The following SLIT3 variants were observed in gnomAD, a reference collection of about 807,000 sequenced individuals.
The protein encoded by SLIT3 is slit guidance ligand 3.
A neutral mutation model predicts 184.0 loss-of-function variants in SLIT3; 68 were observed. That is an observed-to-expected ratio of 0.37 (90% CI 0.30 to 0.45). SLIT3 has a LOEUF of 0.45. SLIT3 is among the 20% of genes least tolerant of loss of function. The probability of loss-of-function intolerance (pLI) is 1.00; values close to 1 mark genes in which losing one functional copy is unlikely to be tolerated. For missense variants in SLIT3, 1,707 were observed against 2,026.0 expected, an observed-to-expected ratio of 0.84 and a Z score of 3.02; for synonymous variants, 831 against 828.6, an observed-to-expected ratio of 1.00 and a Z score of -0.05.
intron 4 of SLIT3, among the ~76,000 whole-genome samples, chr5:168,999,653 A>G (rs899406202): frequency 5.9e-5 from 9 of 152,164 alleles, no homozygotes; most frequent in African/African-American, 2.2e-4. Context: ...GTGTCCCTAT[A>G]GGGTGAGAGG....
chr5:169,153,469 T>A (rs552222546), intron 4 of SLIT3, among the ~76,000 whole-genome samples: 2 of 152,352 alleles, frequency 1.3e-5, no homozygotes, highest in South Asian at 4.1e-4. Context: ...GGACTGTATT[T>A]TATTTGAGCA....
intron 4 of SLIT3, among the ~76,000 whole-genome samples, chr5:169,112,709 G>A (rs1012525374): frequency 2.0e-5 from 3 of 152,112 alleles, no homozygotes; most frequent in Non-Finnish European, 2.9e-5. Context: ...CTTGGCTGCT[G>A]ACTTCCAGAG....
chr5:168,705,387 T>C (rs1321526868), intron 26 of SLIT3, among the ~76,000 whole-genome samples: 2 of 152,200 alleles, frequency 1.3e-5, no homozygotes, highest in Non-Finnish European at 2.9e-5. Flanking sequence ...TGTCAGTACA[T>C]AGTAGATACT....
Position 169,300,107 on chromosome 5 carries a change from G to A in SLIT3, c.197+406C>T, listed in dbSNP as rs1241449067. On this transcript the variant is annotated intron_variant, in intron 1 of 35. Coordinates refer to ENST00000519560, the MANE Select transcript of SLIT3 (RefSeq NM_003062.4). This position sits in a 1 kb window ranked among gnomAD's most constrained non-coding sequence, Gnocchi z 4.1. ...CTCGGGCCCTCTCTCCCGCCTCCGC[G>A]CCTTGACGGCCCATCATCCTATAGC... 2.0e-5 allele frequency among the ~76,000 whole-genome samples: 3 copies of A among 152,198 alleles called. No homozygotes were observed. The highest frequency in any genetic ancestry group is 6.5e-5 in the Admixed American group (1 of 15,290).
intron 5 of SLIT3, among the ~76,000 whole-genome samples, chr5:168,871,522 C>A (rs952814032): frequency 1.3e-5 from 2 of 151,976 alleles, no homozygotes; most frequent in Admixed American, 6.5e-5. Context: ...TATACCTAGC[C>A]CATTAGAAGC....
intron 4 of SLIT3, among the ~76,000 whole-genome samples, chr5:169,108,378 C>T (rs552400923): frequency 6.6e-6 from 1 of 152,310 alleles, no homozygotes; most frequent in Non-Finnish European, 1.5e-5. Flanking sequence ...ACTCCAAAGA[C>T]CACCAGCACA....
intron 1 of SLIT3, among the ~76,000 whole-genome samples, chr5:169,287,467 C>A (rs1219562879): frequency 6.6e-6 from 1 of 152,168 alleles, no homozygotes; most frequent in African/African-American, 2.4e-5. Flanking sequence ...GATCTTTGCA[C>A]AGGATGAGGC....
At chr5:169,289,805 G>A (rs556746191) in intron 1 of SLIT3, among the ~76,000 whole-genome samples, 3 of 152,284 alleles carry the variant, frequency 2.0e-5, no homozygotes, top group Non-Finnish European at 4.4e-5. Flanking sequence ...ACAATTCTAT[G>A]GTCAAGTCAT....
rs899053561 is a variant in SLIT3, at chr5:168,861,984, G to A, written c.486-17329C>T. ...AGCCGTGAGAGCATCATTTAATGGGGCCGTAGGAGATGTAACTACAAGACA... is the reference window on the plus strand; with the variant it reads ...AGCCGTGAGAGCATCATTTAATGGGACCGTAGGAGATGTAACTACAAGACA... On this transcript the variant is annotated intron_variant, in intron 5 of 35. Coordinates refer to ENST00000519560, the MANE Select transcript of SLIT3 (RefSeq NM_003062.4). Among the ~76,000 whole-genome samples, 14 of 152,282 alleles carry A rather than the reference G, an allele frequency of 9.2e-5. No individual in the cohort carries two copies. In the South Asian group the frequency reaches 2.3e-3, roughly 25 times the overall value.
chr5:168,839,312 TC>T (rs1758161067), intron 6 of SLIT3, among the ~76,000 whole-genome samples: 1 of 152,102 alleles, frequency 6.6e-6, no homozygotes, highest in Admixed American at 6.5e-5. Flanking sequence ...ACACAGCGTG[TC>T]TTTTCTTCTT....
At chr5:168,855,074 C>T (rs1043677050) in intron 5 of SLIT3, among the ~76,000 whole-genome samples, 7 of 152,160 alleles carry the variant, frequency 4.6e-5, no homozygotes, top group African/African-American at 1.2e-4. Flanking sequence ...AACAGGAGAG[C>T]GGGTACAGTC....
intron 23 of SLIT3, among the ~76,000 whole-genome samples, chr5:168,715,986 T>G (rs1308312875): frequency 1.3e-5 from 2 of 151,898 alleles, no homozygotes; most frequent in African/African-American, 4.8e-5. Flanking sequence ...TATTTCTTTT[T>G]CAGACAGAGT....
At chr5:168,895,593 C>A (rs1443759284) in intron 4 of SLIT3, among the ~76,000 whole-genome samples, 1 of 152,162 alleles carries the variant, frequency 6.6e-6, no homozygotes, top group African/African-American at 2.4e-5. Flanking sequence ...CCTCCAGAAG[C>A]CCAGTAACGG....
chr5:168,888,398 G>C (rs143889743), intron 4 of SLIT3, among the ~76,000 whole-genome samples: 1 of 152,242 alleles, frequency 6.6e-6, no homozygotes, highest in East Asian at 1.9e-4. Context: ...CCAGCTAGGA[G>C]ACTTTAGCAG....
At chr5:169,154,936 C>G (rs539978850) in intron 4 of SLIT3, among the ~76,000 whole-genome samples, 29 of 152,346 alleles carry the variant, frequency 1.9e-4, no homozygotes, top group South Asian at 1.9e-3. Flanking sequence ...ACCAAGCCAT[C>G]TTTGGACTAC....
chr5:168,859,048 C>T (rs1353679399), intron 5 of SLIT3, among the ~76,000 whole-genome samples: 1 of 152,168 alleles, frequency 6.6e-6, no homozygotes, highest in Non-Finnish European at 1.5e-5. Flanking sequence ...GAAGTCTGAA[C>T]CCACCTGATC....
intron 4 of SLIT3, among the ~76,000 whole-genome samples, chr5:169,005,368 T>G (rs750571828): frequency 2.0e-5 from 3 of 152,160 alleles, no homozygotes; most frequent in Non-Finnish European, 4.4e-5. Context: ...GAATCTAACG[T>G]CCGCATTATG....
At chr5:169,281,223 C>CACGCCTGTA in intron 1 of SLIT3, among the ~76,000 whole-genome samples, 1 of 152,178 alleles carries the variant, frequency 6.6e-6, no homozygotes. Flanking sequence ...CGCAGTGGCT[C>CACGCCTGTA]ATCCCAGCAC....
chr5:168,685,891 T>G lies in SLIT3; in HGVS notation c.3351A>C (p.Leu1117=), dbSNP rs1015499417. The part of the protein sequence containing the change: ...PFCEHPPPMV[L]LQTSPCDQYE... ...ACTGGTCGCATGGGCTGGTCTGCAG[T>G]AGGACCATGGGTGGGGGGTGTTCAC... The change falls in exon 31 of 36, where the codon CTA becomes CTC. Residue 1117 remains leucine, a synonymous_variant. Transcript: ENST00000519560. The G allele has an allele frequency of 1.2e-6, 2 of 1,613,230 alleles. No homozygotes were observed. Among genetic ancestry groups the G allele is most frequent in the Non-Finnish European group, 8.5e-7 (1 of 1,179,748 alleles).
Sources: gnomAD v4.1 joint callset for allele counts (sites outside exome capture counted in the v4.1 genomes callset) on GRCh38, gnomAD v4.1.1 for gene constraint, Gnocchi (gnomAD v3.1) non-coding constraint, MANE v1.5 for transcripts, NCBI Gene and HGNC (gene_info 2026-07-23, HGNC 2026-07-21) for gene names.